SCLY: variants seen among roughly 807,000 people sequenced by gnomAD.
SCLY encodes putative selenocysteine lyase.
A neutral mutation model predicts 50.1 loss-of-function variants in SCLY; 38 were observed. That is an observed-to-expected ratio of 0.76 (90% CI 0.59 to 0.99). The LOEUF (loss-of-function observed/expected upper bound fraction) is 0.99. Ranked by LOEUF, SCLY falls within the 50% of genes least tolerant of loss-of-function variation. The probability of loss-of-function intolerance (pLI) is 0.00; values close to 1 mark genes in which losing one functional copy is unlikely to be tolerated. For missense variants in SCLY, 600 were observed against 620.0 expected (o/e 0.97, Z 0.34); for synonymous variants, 243 against 249.4 (o/e 0.97, Z 0.24).
At chr2:238,061,618 AT>A (rs1275183719) in intron 1 of SCLY, among the ~76,000 whole-genome samples, 7 of 152,170 alleles carry the variant, frequency 4.6e-5, no homozygotes, top group Non-Finnish European at 1.0e-4. Flanking sequence ...GCGGGTAGGC[AT>A]GGGACGAGAG....
intron 7 of SCLY, among the ~76,000 whole-genome samples, chr2:238,086,756 A>ACGC (rs1421917841): frequency 6.8e-6 from 1 of 147,410 alleles, no homozygotes; most frequent in African/African-American, 2.5e-5. Context: ...ACGGTGGCTC[A>ACGC]CGCCTGTTAT....
chr2:238,074,832 A>G (rs1053898298), intron 4 of SCLY, among the ~76,000 whole-genome samples: 4 of 152,246 alleles, frequency 2.6e-5, no homozygotes, highest in South Asian at 2.1e-4. Flanking sequence ...AGGATTTTCT[A>G]TATAGAGGGT....
chr2:238,064,498 G>C, intron 2 of SCLY, 29 bp downstream of exon 2: 1 of 1,518,008 alleles, frequency 6.6e-7, no homozygotes, highest in Non-Finnish European at 9.0e-7. Context: ...CGTGTTCACT[G>C]ATGGGAGATA....
chr2:238,093,749 C>A, intron 8 of SCLY, 112 bp from the exon 9 acceptor site: 3 of 988,200 alleles, frequency 3.0e-6, no homozygotes, highest in Non-Finnish European at 4.7e-6. Context: ...CTGTCTGTGA[C>A]TGTCAGGAGA....
chr2:238,085,391 GAAC>G (rs1260859956), intron 7 of SCLY, among the ~76,000 whole-genome samples: 4 of 152,040 alleles, frequency 2.6e-5, no homozygotes, highest in Non-Finnish European at 5.9e-5. Context: ...CTGAAAGACA[GAAC>G]AATAGAAATC....
chr2:238,072,725 G>T (rs113580551), intron 4 of SCLY, among the ~76,000 whole-genome samples: 1 of 152,046 alleles, frequency 6.6e-6, no homozygotes, highest in South Asian at 2.1e-4. Context: ...TATTTTAATT[G>T]GATGACTTGT....
intron 8 of SCLY, 182 bp from the exon 9 acceptor site, chr2:238,093,679 T>C: frequency 1.6e-6 from 1 of 629,398 alleles, no homozygotes; most frequent in South Asian, 1.9e-5. Flanking sequence ...AGGTACCTGG[T>C]GAAGTCAGTT....
At chr2:238,097,605 G>T (rs2065453146) in intron 11 of SCLY, among the ~76,000 whole-genome samples, 1 of 152,058 alleles carries the variant, frequency 6.6e-6, no homozygotes, top group African/African-American at 2.4e-5. Flanking sequence ...AAAAGGAGGG[G>T]CAGGATGGGG....
At chr2:238,074,175 A>G (rs1298398842) in intron 4 of SCLY, among the ~76,000 whole-genome samples, 1 of 151,946 alleles carries the variant, frequency 6.6e-6, no homozygotes, top group Non-Finnish European at 1.5e-5. Context: ...GAGTGGTGGC[A>G]CATACCTGTA....
chr2:238,074,138 C>T (rs920676386), intron 4 of SCLY, among the ~76,000 whole-genome samples: 4 of 151,908 alleles, frequency 2.6e-5, no homozygotes, highest in African/African-American at 9.7e-5. Flanking sequence ...AAAACCCCAT[C>T]TCTACTAAAT....
rs1441181127 is a variant in SCLY at position 238,093,945 on chromosome 2, G to A, written c.1005+1G>A. The A allele has an allele frequency of 6.2e-7, 1 of 1,613,082 alleles. No homozygotes were observed. The highest frequency in any genetic ancestry group is 1.1e-5 in the South Asian group (1 of 90,814). On this transcript the variant is annotated splice_donor_variant, in intron 9 of 11. Transcript: ENST00000254663. LOFTEE classifies it high-confidence loss of function. The stretch of plus-strand genomic sequence containing the variant: ...CGACTACCTGGAAGAGAGGCTGGAA[G>A]TGAGCGCAGCGTGGGGTGGGCACCA...
chr2:238,082,950 A>C (rs965827327), intron 6 of SCLY: 2 of 347,942 alleles, frequency 5.7e-6, no homozygotes, highest in South Asian at 3.1e-5. Flanking sequence ...TGTGATTCAT[A>C]TGATTTGAGA....
Position 238,082,030 on chromosome 2 carries a change from T to A in SCLY, c.613-15T>A. 1 of 1,608,172 alleles carries A rather than the reference T, an allele frequency of 6.2e-7. No homozygotes were observed. The highest frequency in any genetic ancestry group is 1.1e-5 in the South Asian group (1 of 90,856). ...GATCGGAGCAACATACTCAACTGTT[T>A]CCTTTCCCCGTCAGCCTGTCCCTGA... On this transcript the variant is annotated splice_polypyrimidine_tract_variant and intron_variant, in intron 5 of 11. Coordinates refer to ENST00000254663, the MANE Select transcript of SCLY (RefSeq NM_016510.7).
At chr2:238,068,268 G>A (rs1259435762) in intron 3 of SCLY, 103 bp downstream of exon 3, 12 of 912,138 alleles carry the variant, frequency 1.3e-5, no homozygotes, top group Middle Eastern at 3.2e-4. Context: ...GAAAGAGTAG[G>A]CCAAGTGTGG....
chr2:238,088,022 G>A (rs1286953578), intron 7 of SCLY, among the ~76,000 whole-genome samples: 3 of 152,172 alleles, frequency 2.0e-5, no homozygotes, highest in Non-Finnish European at 2.9e-5. Flanking sequence ...AGTGAGCGTG[G>A]GAGGTCAAGG....
chr2:238,078,412 C>T (rs758699296), intron 4 of SCLY, among the ~76,000 whole-genome samples: 3 of 152,044 alleles, frequency 2.0e-5, no homozygotes, highest in Non-Finnish European at 2.9e-5. Flanking sequence ...CCCCCTTTAC[C>T]GTTTTCTTTT....
Position 238,093,894 on chromosome 2 carries a change from T to C in SCLY, c.955T>C (p.Tyr319His). The C allele has an allele frequency of 6.2e-7, 1 of 1,614,036 alleles. No individual in the cohort carries two copies. The highest frequency in any genetic ancestry group is 8.5e-7 in the Non-Finnish European group (1 of 1,180,010). Residue 319 changes from tyrosine (Y) to histidine (H), a missense_variant, in exon 9 of 12, where the codon TAT becomes CAT. Coordinates refer to ENST00000254663, the MANE Select transcript of SCLY (RefSeq NM_016510.7). ...AELVTQNCEA[Y>H]EAHMRDVRDY... ...GCTGGTGACCCAGAACTGCGAGGCT[T>C]ATGAGGCCCACATGAGGGACGTCCG...
chr2:238,063,236 G>C (rs558601707), intron 1 of SCLY, among the ~76,000 whole-genome samples: 1 of 149,736 alleles, frequency 6.7e-6, no homozygotes, highest in Non-Finnish European at 1.5e-5. Flanking sequence ...CAGTTTTGTG[G>C]GTTTGTTTTT....
At position 238,065,660 on chromosome 2, in the gene SCLY, T is replaced by TTTATTATTATTATTATTATTA. The variant is rs61131460; in HGVS notation, c.202+1203_202+1223dup. Among the ~76,000 whole-genome samples the TTTATTATTATTATTATTATTA allele has an allele frequency of 8.2e-3, 1,170 of 143,500 alleles. 9 individuals carry two copies. Among genetic ancestry groups the TTTATTATTATTATTATTATTA allele is most frequent in the African/African-American group, 0.025 (959 of 38,768 alleles). 94.1% of individuals were successfully genotyped at this position (143,500 alleles called of 152,430 possible). On this transcript the variant is annotated intron_variant, in intron 2 of 11. Transcript: ENST00000254663. ...GTTATTTAAACTAATAATATTTTAT[T>TTTATTATTATTATTATTATTA]TTATTATTATTATTATTATTATTAT...
Sources: allele counts gnomAD v4.1 joint callset (sites outside exome capture counted in the v4.1 genomes callset), GRCh38; gene constraint gnomAD v4.1.1; transcripts MANE v1.5; gene names NCBI Gene and HGNC (gene_info 2026-07-23, HGNC 2026-07-21).